Variants in RNFT2 observed in about 807,000 individuals in gnomAD.
The protein encoded by RNFT2 is ring finger protein, transmembrane 2.
Under a neutral mutation model 53.0 loss-of-function variants are expected in RNFT2, and 36 were observed. The ratio of observed to expected loss-of-function variants is 0.68; its 90% CI spans 0.52 to 0.90. RNFT2 has a LOEUF of 0.90. Ranked by LOEUF, RNFT2 falls within the 40% of genes least tolerant of loss-of-function variation. The pLI is 0.00. For missense variants in RNFT2, 514 were observed against 585.6 expected (o/e 0.88, Z 1.26); for synonymous variants, 260 against 253.2 (o/e 1.03, Z -0.26).
rs200259830 is a variant in RNFT2, at chr12:116,797,538, C to CAA, written c.882+18204_882+18205dup. Among the ~76,000 whole-genome samples, 86 of 131,140 alleles carry CAA rather than the reference C, an allele frequency of 6.6e-4. 1 individual carries two copies. Among genetic ancestry groups the CAA allele is most frequent in the African/African-American group, 1.9e-3 (70 of 36,714 alleles). 86.0% of individuals were successfully genotyped at this position (131,140 alleles called of 152,430 possible). ...CCACTGCACTCCAGCCTGTCTATCT[C>CAA]AAAAAAAAAAAAAAAGTTATTAAGT... On this transcript the variant is annotated intron_variant, in intron 7 of 10. Coordinates refer to ENST00000257575, the MANE Select transcript of RNFT2 (RefSeq NM_001382266.1).
chr12:116,757,050 G>A (rs1307263000), intron 5 of RNFT2, among the ~76,000 whole-genome samples: 10 of 152,040 alleles, frequency 6.6e-5, no homozygotes, highest in African/African-American at 1.4e-4. Flanking sequence ...TGATTTAAGC[G>A]AGAAGGGTTG....
chr12:116,773,865 A>G (rs896961463), intron 6 of RNFT2, among the ~76,000 whole-genome samples: 5 of 152,334 alleles, frequency 3.3e-5, no homozygotes, highest in Non-Finnish European at 7.3e-5. Context: ...TAAAATGATC[A>G]TCATGCAATA....
intron 7 of RNFT2, among the ~76,000 whole-genome samples, chr12:116,817,791 C>A (rs1875763803): frequency 6.6e-6 from 1 of 152,250 alleles, no homozygotes; most frequent in South Asian, 2.1e-4. Flanking sequence ...GCTCACCATC[C>A]TAAGCCACCA....
At chr12:116,820,709 A>G (rs1023877122) in intron 7 of RNFT2, among the ~76,000 whole-genome samples, 1 of 151,956 alleles carries the variant, frequency 6.6e-6, no homozygotes, top group South Asian at 2.1e-4. Context: ...ACTCTGGAAA[A>G]TCAGGCTGGA....
At chr12:116,800,178 A>G (rs1874700202) in intron 7 of RNFT2, among the ~76,000 whole-genome samples, 1 of 152,080 alleles carries the variant, frequency 6.6e-6, no homozygotes, top group African/African-American at 2.4e-5. Context: ...ACCATGAGCC[A>G]AGATAAACCT....
At chr12:116,792,299 C>T (rs1874278332) in intron 7 of RNFT2, among the ~76,000 whole-genome samples, 1 of 152,194 alleles carries the variant, frequency 6.6e-6, no homozygotes, top group Non-Finnish European at 1.5e-5. Context: ...ATCTGCCCAC[C>T]TCGGCCTCCC....
chr12:116,842,760 G>C (rs1181170170), intron 10 of RNFT2, among the ~76,000 whole-genome samples: 1 of 152,086 alleles, frequency 6.6e-6, no homozygotes, highest in African/African-American at 2.4e-5. Context: ...TTTTAGTAGG[G>C]ACGGGGTTTC....
chr12:116,771,705 G>C (rs575629926), intron 6 of RNFT2, among the ~76,000 whole-genome samples: 4 of 151,994 alleles, frequency 2.6e-5, no homozygotes, highest in Non-Finnish European at 4.4e-5. Flanking sequence ...CCATGATGTG[G>C]GCACCCTCTT....
At chr12:116,841,934 TAA>T (rs1877345864) in intron 10 of RNFT2, among the ~76,000 whole-genome samples, 9 of 32,986 alleles carry the variant, frequency 2.7e-4, no homozygotes, top group African/African-American at 1.5e-3. Context: ...TATATATATA[TAA>T]ATATATATAT....
chr12:116,778,774 C>T (rs1186886243), intron 6 of RNFT2, among the ~76,000 whole-genome samples: 8 of 152,188 alleles, frequency 5.3e-5, no homozygotes, highest in Admixed American at 6.5e-5. Context: ...CACTTGAACC[C>T]GGGAGGTGGA....
chr12:116,811,873 T>C (rs1177444478), intron 7 of RNFT2, among the ~76,000 whole-genome samples: 1 of 151,940 alleles, frequency 6.6e-6, no homozygotes, highest in Non-Finnish European at 1.5e-5. Flanking sequence ...AGGGAGGAAA[T>C]ATTATCCTTA....
intron 4 of RNFT2, among the ~76,000 whole-genome samples, chr12:116,750,828 TA>T (rs1435049960): frequency 0.14 from 325 of 2,340 alleles, 10 homozygotes; most frequent in South Asian, 0.37. Context: ...ATTATATATA[TA>T]ATATATATAT....
intron 6 of RNFT2, among the ~76,000 whole-genome samples, chr12:116,771,198 C>T (rs920674295): frequency 3.3e-5 from 5 of 151,956 alleles, no homozygotes; most frequent in Admixed American, 6.6e-5. Context: ...CGTTGGCTCA[C>T]GCTGTAATCC....
intron 7 of RNFT2, among the ~76,000 whole-genome samples, chr12:116,830,493 G>T (rs1451539742): frequency 2.0e-5 from 3 of 151,976 alleles, no homozygotes; most frequent in South Asian, 2.1e-4. Flanking sequence ...TTGCTCTATT[G>T]CCCAGGCTGG....
chr12:116,740,075 G>A (rs1035041807), intron 1 of RNFT2, among the ~76,000 whole-genome samples: 9 of 151,804 alleles, frequency 5.9e-5, no homozygotes, highest in South Asian at 4.2e-4. Flanking sequence ...GCGTGGTGTC[G>A]CATGCCTGTA....
chr12:116,786,085 A>G (rs143819602), intron 7 of RNFT2, among the ~76,000 whole-genome samples: 283 of 151,372 alleles, frequency 1.9e-3, no homozygotes, highest in Non-Finnish European at 3.5e-3. Flanking sequence ...ACTCTTATCA[A>G]TGGATGAGGC....
chr12:116,764,759 G>A (rs1355231573), intron 5 of RNFT2, among the ~76,000 whole-genome samples: 1 of 152,288 alleles, frequency 6.6e-6, no homozygotes. Context: ...GGGCATGGTG[G>A]TGGGCGCCTG....
chr12:116,821,597 G>A (rs1474553212), intron 7 of RNFT2, among the ~76,000 whole-genome samples: 2 of 152,184 alleles, frequency 1.3e-5, no homozygotes, highest in Non-Finnish European at 2.9e-5. Context: ...GGAGCCAACA[G>A]GCAGTCCATC....
In RNFT2 at chr12:116,827,117, G is replaced by A. The variant is rs2137191363; in HGVS notation, c.883-6675G>A. On this transcript the variant is annotated intron_variant, in intron 7 of 10. Coordinates refer to ENST00000257575, the MANE Select transcript of RNFT2 (RefSeq NM_001382266.1). ...TGCCTGTAATCCCAGCTACTCAGGA[G>A]GCTGAGGCAGGAGAATCGTTTGAAT... Among the ~76,000 whole-genome samples the A allele has an allele frequency of 1.3e-5, 2 of 151,960 alleles. 1 individual carries two copies. The highest frequency in any genetic ancestry group is 4.2e-4 in the South Asian group (2 of 4,798).
Sources: allele counts gnomAD v4.1 joint callset (sites outside exome capture counted in the v4.1 genomes callset), GRCh38; gene constraint gnomAD v4.1.1; transcripts MANE v1.5; gene names NCBI Gene and HGNC (gene_info 2026-07-23, HGNC 2026-07-21).